The following NALCN variants were observed in gnomAD, a reference collection of about 807,000 sequenced individuals.
NALCN encodes the protein sodium leak channel NALCN.
In NALCN, 111 loss-of-function variants were observed where a neutral mutation model predicts 225.3. The observed-to-expected ratio is 0.49, with a 90% CI of 0.42 to 0.58. The LOEUF (loss-of-function observed/expected upper bound fraction) is 0.58, where lower values mean the gene tolerates loss of function less well. Among genes scored for constraint, NALCN ranks in the 20% least tolerant of loss-of-function variants. The pLI is 0.00. For missense variants in NALCN, 1,378 were observed against 2,202.4 expected (o/e 0.63, Z 7.49); for synonymous variants, 764 against 769.0 (o/e 0.99, Z 0.11).
chr13:101,261,347 G>A (rs1285257239), intron 10 of NALCN, among the ~76,000 whole-genome samples: 1 of 151,904 alleles, frequency 6.6e-6, no homozygotes, highest in Admixed American at 6.6e-5. Flanking sequence ...GCTCTTCTGT[G>A]GTTTCATATA....
intron 13 of NALCN, among the ~76,000 whole-genome samples, chr13:101,221,350 C>G (rs1326419570): frequency 6.6e-6 from 1 of 152,108 alleles, no homozygotes; most frequent in Non-Finnish European, 1.5e-5. Context: ...ATCTCCTGAC[C>G]TCATGATCCG....
chr13:101,368,839 C>CT (rs200017248), intron 6 of NALCN: 2,429 of 175,642 alleles, frequency 0.014, 39 homozygotes, highest in Non-Finnish European at 0.021. Context: ...AGCCCTGTCT[C>CT]TGCTAAAAAT....
chr13:101,201,850 G>A (rs528318788), intron 13 of NALCN, among the ~76,000 whole-genome samples: 8 of 152,004 alleles, frequency 5.3e-5, no homozygotes, highest in Non-Finnish European at 1.2e-4. Context: ...TACAAAAAAA[G>A]TTGCTTTCAA....
At chr13:101,248,040 C>T (rs950356464) in intron 11 of NALCN, among the ~76,000 whole-genome samples, 1 of 152,144 alleles carries the variant, frequency 6.6e-6, no homozygotes, top group Admixed American at 6.5e-5. Context: ...TGTATACGTA[C>T]CACATTTTCT....
intron 11 of NALCN, among the ~76,000 whole-genome samples, chr13:101,244,707 T>C (rs2041843122): frequency 6.6e-6 from 1 of 152,216 alleles, no homozygotes; most frequent in African/African-American, 2.4e-5. Flanking sequence ...TGTCAGGATT[T>C]AAAGAAGGTG....
chr13:101,183,349 A>C (rs991206485), intron 14 of NALCN, among the ~76,000 whole-genome samples: 1 of 152,248 alleles, frequency 6.6e-6, no homozygotes, highest in African/African-American at 2.4e-5. Context: ...GAGTGTCATC[A>C]TATGTATAAA....
At chr13:101,396,028 AT>A (rs111909529) in intron 2 of NALCN, among the ~76,000 whole-genome samples, 5,661 of 152,182 alleles carry the variant, frequency 0.037, 148 homozygotes, top group Admixed American at 0.073. Flanking sequence ...AAATGCATAG[AT>A]TTTTTCTCTT....
chr13:101,305,156 A>G (rs2044114697), intron 7 of NALCN, among the ~76,000 whole-genome samples: 1 of 152,228 alleles, frequency 6.6e-6, no homozygotes, highest in African/African-American at 2.4e-5. Context: ...TACTAGATTC[A>G]TTCAACAAGA....
chr13:101,181,100 G>A (rs369043342), intron 14 of NALCN: 3 of 518,788 alleles, frequency 5.8e-6, no homozygotes, highest in African/African-American at 1.9e-5. Context: ...ACTACTTATC[G>A]AAGATTGTGA....
chr13:101,172,851 G>T (rs895819518), intron 15 of NALCN, among the ~76,000 whole-genome samples: 2 of 152,132 alleles, frequency 1.3e-5, no homozygotes, highest in Non-Finnish European at 2.9e-5. Flanking sequence ...ACAGGTGTGA[G>T]CCACCGCGCC....
chr13:101,281,192 T>C (rs1386164205), intron 10 of NALCN, among the ~76,000 whole-genome samples: 1 of 152,182 alleles, frequency 6.6e-6, no homozygotes, highest in Non-Finnish European at 1.5e-5. Flanking sequence ...CACTAAAACC[T>C]TCCCTGACCT....
At chr13:101,299,426 TTTTGTTTG>T (rs145178011) in intron 7 of NALCN, among the ~76,000 whole-genome samples, 8,411 of 151,590 alleles carry the variant, frequency 0.055, 365 homozygotes, top group East Asian at 0.24. Flanking sequence ...ACAGGGTTTT[TTTTGTTTG>T]TTTGTTTGTT....
intron 15 of NALCN, among the ~76,000 whole-genome samples, chr13:101,155,773 A>G (rs190513659): frequency 1.3e-5 from 2 of 152,280 alleles, no homozygotes; most frequent in Non-Finnish European, 2.9e-5. Flanking sequence ...TACAATAATT[A>G]AAAAAAGACT....
rs11839653 is a variant in NALCN, at chr13:101,087,500, A to G, written c.3489+2163T>C. 2.6e-3 allele frequency among the ~76,000 whole-genome samples: 388 copies of G among 151,436 alleles called. 2 individuals carry two copies. The highest frequency in any genetic ancestry group is 8.9e-3 in the African/African-American group (368 of 41,262). On this transcript the variant is annotated intron_variant, in intron 30 of 43. Transcript: ENST00000251127. Reference sequence around the variant, plus strand: ...TTTCTAAAAAAAAAAAAAAACTTGCAGAGAAAGAAACTTTTCTAAAAGGCT... The same window carrying G: ...TTTCTAAAAAAAAAAAAAAACTTGCGGAGAAAGAAACTTTTCTAAAAGGCT...
intron 17 of NALCN, among the ~76,000 whole-genome samples, chr13:101,133,688 T>C (rs1429386661): frequency 6.6e-6 from 1 of 152,184 alleles, no homozygotes; most frequent in Non-Finnish European, 1.5e-5. Flanking sequence ...AAATAAACTT[T>C]CTCTGGAATT....
At chr13:101,361,172 G>A (rs1482006941) in intron 6 of NALCN, among the ~76,000 whole-genome samples, 4 of 151,972 alleles carry the variant, frequency 2.6e-5, no homozygotes, top group African/African-American at 9.7e-5. Flanking sequence ...ATTTACTCTT[G>A]GTGCTGCTGT....
intron 38 of NALCN, 106 bp downstream of exon 38, chr13:101,068,589 T>A: frequency 1.7e-6 from 2 of 1,206,268 alleles, no homozygotes; most frequent in South Asian, 2.5e-5. Context: ...ATTAATGCCA[T>A]GAAACACCCA....
At chr13:101,127,938 G>A (rs2036319511) in intron 17 of NALCN, among the ~76,000 whole-genome samples, 1 of 152,162 alleles carries the variant, frequency 6.6e-6, no homozygotes, top group South Asian at 2.1e-4. Context: ...ACACTGCTCT[G>A]CAGTGCCCTC....
At chr13:101,217,338 A>T (rs1290481675) in intron 13 of NALCN, among the ~76,000 whole-genome samples, 3 of 152,206 alleles carry the variant, frequency 2.0e-5, no homozygotes, top group Non-Finnish European at 2.9e-5. Context: ...CAATATATTC[A>T]TCCCAACAAA....
Sources: allele counts gnomAD v4.1 joint callset (sites outside exome capture counted in the v4.1 genomes callset), GRCh38; gene constraint gnomAD v4.1.1; transcripts MANE v1.5; gene names NCBI Gene and HGNC (gene_info 2026-07-23, HGNC 2026-07-21).